Variants in HELZ observed in about 807,000 individuals in gnomAD.
HELZ encodes the protein ATP-dependent RNA helicase with zinc finger domain.
Under a neutral mutation model 218.2 loss-of-function variants are expected in HELZ, and 23 were observed. That is an observed-to-expected ratio of 0.11 (90% confidence interval 0.08 to 0.15). The LOEUF is 0.15. HELZ is among the 10% of genes least tolerant of loss of function. The pLI is 1.00. For missense variants in HELZ, 1,813 were observed against 2,353.7 expected, an observed-to-expected ratio of 0.77 and a Z score of 4.75; for synonymous variants, 814 against 829.4, an observed-to-expected ratio of 0.98 and a Z score of 0.32.
At chr17:67,204,272 T>C (rs2040240311) in intron 5 of HELZ, among the ~76,000 whole-genome samples, 1 of 152,226 alleles carries the variant, frequency 6.6e-6, no homozygotes. Context: ...CATATTTTTG[T>C]TATGAATATA....
At position 67,108,673 on chromosome 17, in the gene HELZ, A is replaced by C; in HGVS notation, c.4543T>G (p.Phe1515Val). Reference protein sequence around the residue: ...LETLRQQQARFQQWSEHHAFL... With the variant: ...LETLRQQQARVQQWSEHHAFL... ...GCATGATGCTCGCTCCACTGCTGGA[A>C]CCGTGCCTGCTGCTGCCTTAATGTT... The change falls in exon 30 of 33, where the codon TTC (phenylalanine) becomes GTC (valine). Residue 1515 changes from phenylalanine to valine, a missense_variant. By Grantham distance (50) the Phe-to-Val change is conservative (BLOSUM62 -1). Around this residue, in one of 4 missense-constraint regions of HELZ, gnomAD observed 938 missense variants for 1,027.5 expected, o/e 0.91. Coordinates refer to ENST00000358691, the MANE Select transcript of HELZ (RefSeq NM_014877.4). The surrounding 1 kb of genome is among the most constrained non-coding windows in gnomAD (Gnocchi z 4.1). 1 of 1,613,948 alleles carries C rather than the reference A, an allele frequency of 6.2e-7. No homozygotes were observed. The highest frequency in any genetic ancestry group is 8.5e-7 in the Non-Finnish European group (1 of 1,179,948).
Position 67,109,488 on chromosome 17 carries a change from T to C in HELZ, c.4117A>G (p.Ile1373Val), listed in dbSNP as rs201760054. The part of the protein sequence containing the change: ...LPQLPRPPFP[I>V]PQQHTLLNQQ... ...TTTAACAAGGTGTGCTGCTGTGGAA[T>C]TGGAAAGGGTGGTCTTGGTAGCTGG... is the stretch of plus-strand genomic sequence containing the variant. The change falls in exon 29 of 33, where the codon ATT becomes GTT. Residue 1373 changes from isoleucine to valine, a missense_variant. Coordinates refer to ENST00000358691, the MANE Select transcript of HELZ (RefSeq NM_014877.4). 2.6e-4 allele frequency: 412 copies of C among 1,614,026 alleles called. No homozygotes were observed. The highest frequency in any genetic ancestry group is 2.8e-4 in the Non-Finnish European group (326 of 1,180,014).
rs746518693 is a variant in HELZ at position 67,078,589 on chromosome 17, A to G, written c.5495-3T>C. 6.8e-7 allele frequency: 1 copy of G among 1,469,984 alleles called. No individual in the cohort carries two copies. The highest frequency in any genetic ancestry group is 9.0e-7 in the Non-Finnish European group (1 of 1,109,820). The allele number at this position is 1,469,984 out of a possible 1,614,324, so 91.1% of individuals were successfully genotyped here. On this transcript the variant is annotated splice_polypyrimidine_tract_variant and splice_region_variant and intron_variant, in intron 32 of 32. Coordinates refer to ENST00000358691, the MANE Select transcript of HELZ (RefSeq NM_014877.4). ...GGGTTTGACAGTCTTGGGTGGCGCT[A>G]AAAGCAGAGAACAGTGACACAGATT...
intron 21 of HELZ, among the ~76,000 whole-genome samples, chr17:67,139,134 A>G (rs941946284): frequency 3.3e-5 from 5 of 151,944 alleles, no homozygotes; most frequent in Non-Finnish European, 7.4e-5. Context: ...AAAATTGACA[A>G]TTTTCATCCT....
At chr17:67,083,076 C>T (rs1229840458) in intron 32 of HELZ, among the ~76,000 whole-genome samples, 1 of 151,854 alleles carries the variant, frequency 6.6e-6, no homozygotes, top group Non-Finnish European at 1.5e-5. Flanking sequence ...AAGCTGGTCT[C>T]AAACTCCTGA....
intron 28 of HELZ, among the ~76,000 whole-genome samples, chr17:67,112,790 C>A (rs1266258335): frequency 6.6e-6 from 1 of 152,158 alleles, no homozygotes; most frequent in African/African-American, 2.4e-5. Flanking sequence ...TCTGAGAAAT[C>A]CCAGCTTAAG....
chr17:67,236,194 T>C (rs999046218), intron 3 of HELZ, among the ~76,000 whole-genome samples: 5 of 152,212 alleles, frequency 3.3e-5, no homozygotes, highest in Non-Finnish European at 4.4e-5. Context: ...GCTCAAATAG[T>C]TAAATTCAAC....
Position 67,145,887 on chromosome 17 carries a change from A to G in HELZ, c.2625T>C (p.Tyr875=), listed in dbSNP as rs144593080. The G allele has an allele frequency of 3.1e-4, 494 of 1,607,972 alleles. 1 individual carries two copies. The African/African-American group carries it at 5.6e-3, about 18-fold the overall frequency. Residue 875 remains tyrosine (Y), a synonymous_variant, in exon 21 of 33, where the codon TAT becomes TAC. Coordinates refer to ENST00000358691, the MANE Select transcript of HELZ (RefSeq NM_014877.4). ...TGCCCTCATAGAAAAGCTCAGAGGT[A>G]TAACTGCAGTAAAAGACAAAAAGAA... The part of the protein sequence containing the change: ...NYRSHEAIIN[Y]TSELFYEGKL...
chr17:67,135,838 G>A lies in HELZ; in HGVS notation c.3182+132C>T, dbSNP rs1044185074. 2.1e-5 allele frequency: 14 copies of A among 668,564 alleles called. No homozygotes were observed. The Admixed American group carries it at 2.9e-4, about 14-fold the overall frequency. The allele number at this position is 668,564 out of a possible 1,614,324, so 41.4% of individuals were successfully genotyped here. ...TAGATCCAAAGTAATATGCTTTTGT[G>A]TTCCCACTGGATATCAGGCTACAAT... is the stretch of plus-strand genomic sequence containing the variant. On this transcript the variant is annotated intron_variant, in intron 23 of 32. Coordinates refer to ENST00000358691, the MANE Select transcript of HELZ (RefSeq NM_014877.4).
chr17:67,078,250 G>T lies in HELZ; in HGVS notation c.*2C>A, dbSNP rs780285126. On this transcript the variant is annotated 3_prime_UTR_variant, in exon 33 of 33. Transcript: ENST00000358691. ...TTCTCCCTTGAGGGAAAAAAAAAGT[G>T]ATTATTTAAAATATGAGTAAAAGCC... 3.1e-6 allele frequency: 5 copies of T among 1,588,298 alleles called. No individual in the cohort carries two copies. In the South Asian group the frequency reaches 5.5e-5, roughly 18 times the overall value.
rs2040218508 is a variant in HELZ, at chr17:67,203,413, T to A, written c.278A>T (p.Asp93Val). The A allele has an allele frequency of 6.2e-7, 1 of 1,614,030 alleles. No homozygotes were observed. Among genetic ancestry groups the A allele is most frequent in the African/African-American group, 1.3e-5 (1 of 74,940 alleles). Reference sequence around the variant, plus strand: ...GCAGCAAAGCACTGCCCGAAAGGCATCTTCTCCCTTGGCCAGTCCTTCTCC... The same window carrying A: ...GCAGCAAAGCACTGCCCGAAAGGCAACTTCTCCCTTGGCCAGTCCTTCTCC... ...VLGEGLAKGE[D>V]AFRAVLCCMQ... is the part of the protein sequence containing the mutation. The change falls in exon 6 of 33, where the codon GAT becomes GTT. Residue 93 changes from aspartate (D) to valine (V), a missense_variant. By Grantham distance (152) the Asp-to-Val change is radical. Around this residue, in one of 4 missense-constraint regions of HELZ, gnomAD observed 714 missense variants for 1,029.2 expected, o/e 0.69. Transcript: ENST00000358691.
chr17:67,145,893 G>A lies in HELZ; in HGVS notation c.2622-3C>T, dbSNP rs750659619. On this transcript the variant is annotated splice_polypyrimidine_tract_variant and splice_region_variant and intron_variant, in intron 20 of 32. Coordinates refer to ENST00000358691, the MANE Select transcript of HELZ (RefSeq NM_014877.4). ...CATAGAAAAGCTCAGAGGTATAACTGCAGTAAAAGACAAAAAGAAAAAAGG... is the reference window on the plus strand; with the variant it reads ...CATAGAAAAGCTCAGAGGTATAACTACAGTAAAAGACAAAAAGAAAAAAGG... 10 of 1,601,220 alleles carry A rather than the reference G, an allele frequency of 6.2e-6. No homozygotes were observed. The Admixed American group carries it at 1.6e-4, about 25-fold the overall frequency.
intron 6 of HELZ, 121 bp downstream of exon 6, chr17:67,203,198 G>T: frequency 1.1e-6 from 1 of 933,006 alleles, no homozygotes; most frequent in Non-Finnish European, 1.6e-6. Flanking sequence ...CATGAATTTT[G>T]CTTTCTAATA....
chr17:67,244,660 T>A (rs1422669605), intron 1 of HELZ: 49 of 974,850 alleles, frequency 5.0e-5, no homozygotes, highest in Non-Finnish European at 5.8e-5. Context: ...CCTGACCCAC[T>A]TTTCCCCACG....
chr17:67,150,092 C>A, intron 18 of HELZ, 107 bp from the exon 19 acceptor site: 2 of 535,856 alleles, frequency 3.7e-6, no homozygotes, highest in Non-Finnish European at 6.8e-6. Context: ...GTTTGCTAAT[C>A]TAAGAGTATT....
chr17:67,169,248 G>A (rs2039241081), intron 13 of HELZ, among the ~76,000 whole-genome samples: 2 of 152,176 alleles, frequency 1.3e-5, no homozygotes, highest in Non-Finnish European at 2.9e-5. Flanking sequence ...GTTTGTCTTA[G>A]TCTGTTTTGT....
intron 31 of HELZ, among the ~76,000 whole-genome samples, chr17:67,103,059 C>G (rs534804516): frequency 6.6e-6 from 1 of 152,146 alleles, no homozygotes; most frequent in Non-Finnish European, 1.5e-5. Context: ...AACTTTGGCA[C>G]ACAGTTCCCC....
At position 67,107,304 on chromosome 17, in the gene HELZ, T is replaced by A. The variant is rs1157151679; in HGVS notation, c.5106A>T (p.Leu1702=). ...HLMGPGFPYG[L]PPLPHRPPQN... ...GCGGTGGCCTGTGAGGCAATGGAGG[T>A]AGGCCATAGGGAAAACCTGGCCCCA... The change falls in exon 31 of 33, where the codon CTA becomes CTT. Residue 1702 remains leucine, a synonymous_variant. Transcript: ENST00000358691. 3.1e-6 allele frequency: 5 copies of A among 1,614,040 alleles called. No individual in the cohort carries two copies. Among genetic ancestry groups the A allele is most frequent in the Non-Finnish European group, 4.2e-6 (5 of 1,180,002 alleles).
chr17:67,216,739 G>A (rs889200132), intron 4 of HELZ, among the ~76,000 whole-genome samples: 7 of 152,098 alleles, frequency 4.6e-5, no homozygotes, highest in African/African-American at 1.7e-4. Flanking sequence ...GGACCCACAC[G>A]ATTCACATGT....
Sources: allele counts gnomAD v4.1 joint callset (sites outside exome capture counted in the v4.1 genomes callset), GRCh38; gene constraint gnomAD v4.1.1; regional missense constraint gnomAD v4.1.1; non-coding constraint Gnocchi (gnomAD v3.1); transcripts MANE v1.5; gene names NCBI Gene and HGNC (gene_info 2026-07-23, HGNC 2026-07-21).